FRK: variants seen among roughly 807,000 people sequenced by gnomAD.
FRK encodes the protein fyn related Src family tyrosine kinase.
In FRK, 51 loss-of-function variants were observed where a neutral mutation model predicts 56.4. The ratio of observed to expected loss-of-function variants is 0.90; its 90% confidence interval spans 0.72 to 1.14. The LOEUF (loss-of-function observed/expected upper bound fraction) is 1.14, where lower values mean the gene tolerates loss of function less well. Among genes scored for constraint, FRK ranks in the 50% most tolerant of loss-of-function variants. FRK has a pLI of 0.00. For synonymous variants in FRK, 245 were observed against 217.9 expected (o/e 1.12, Z -1.10); for missense variants, 570 against 601.4 (o/e 0.95, Z 0.55).
In FRK at chr6:115,994,331, C is replaced by G. The variant is rs112050219; in HGVS notation, c.466+9546G>C. ...ATCCAGAATCTCACAACCTCCCCCCCCCCCGCCTTTTTTTTGTCATTATAC... is the reference window on the plus strand; with the variant it reads ...ATCCAGAATCTCACAACCTCCCCCCGCCCCGCCTTTTTTTTGTCATTATAC... On this transcript the variant is annotated intron_variant, in intron 2 of 7. Coordinates refer to ENST00000606080, the MANE Select transcript of FRK (RefSeq NM_002031.3). Among the ~76,000 whole-genome samples the G allele has an allele frequency of 2.8e-3, 296 of 106,676 alleles. 22 individuals are homozygous for G. The highest frequency in any genetic ancestry group is 8.6e-3 in the African/African-American group (271 of 31,484). The allele number at this position is 106,676 out of a possible 152,430, so 70.0% of individuals were successfully genotyped here. A position where few individuals can be genotyped will look rare whatever the true frequency, so the allele number is the denominator to read the frequency against.
chr6:116,082,297 C>T, the FRK span, among the ~76,000 whole-genome samples: 1 of 152,234 alleles, frequency 6.6e-6, no homozygotes, highest in Non-Finnish European at 1.5e-5. Context: ...CTGAGTGAGG[C>T]TAAAAGCCAC....
At chr6:116,001,683 A>G (rs112869466) in intron 2 of FRK, among the ~76,000 whole-genome samples, 34 of 152,338 alleles carry the variant, frequency 2.2e-4, no homozygotes, top group African/African-American at 8.2e-4. Flanking sequence ...TGCATAAATG[A>G]AACTGACTGG....
In FRK at chr6:116,030,445, C is replaced by G. The variant is rs144125561; in HGVS notation, c.345-26447G>C. Among the ~76,000 whole-genome samples, 604 of 152,186 alleles carry G rather than the reference C, an allele frequency of 4.0e-3. 3 individuals carry two copies. Among genetic ancestry groups the G allele is most frequent in the Admixed American group, 6.4e-3 (98 of 15,276 alleles). ...TTTAGGAGCTCTCTGGCACAAAGCT[C>G]CTAATCCTTTGGAATTTCCTGGGTG... On this transcript the variant is annotated intron_variant, in intron 1 of 7. Coordinates refer to ENST00000606080, the MANE Select transcript of FRK (RefSeq NM_002031.3).
At chr6:115,995,907 A>C (rs1774822545) in intron 2 of FRK, among the ~76,000 whole-genome samples, 2 of 152,296 alleles carry the variant, frequency 1.3e-5, no homozygotes, top group South Asian at 4.1e-4. Context: ...ATAGGCAATG[A>C]TATTTGCAAT....
the FRK span, among the ~76,000 whole-genome samples, chr6:116,069,304 G>T: frequency 6.6e-6 from 1 of 152,070 alleles, no homozygotes; most frequent in Non-Finnish European, 1.5e-5. Flanking sequence ...TGGGCTGACT[G>T]AACATGAGGA....
chr6:116,062,228 C>A (rs1010036238), upstream of FRK, among the ~76,000 whole-genome samples: 4 of 152,030 alleles, frequency 2.6e-5, no homozygotes, highest in East Asian at 1.9e-4. Flanking sequence ...AAAGCTGAGC[C>A]AAATTTTTGT....
intron 2 of FRK, among the ~76,000 whole-genome samples, chr6:115,980,023 C>T (rs1469764879): frequency 6.6e-6 from 1 of 151,988 alleles, no homozygotes; most frequent in Non-Finnish European, 1.5e-5. Flanking sequence ...CACATTATGT[C>T]CTCATAAGGA....
chr6:116,020,772 A>G (rs1044703692), intron 1 of FRK, among the ~76,000 whole-genome samples: 1 of 152,176 alleles, frequency 6.6e-6, no homozygotes, highest in Non-Finnish European at 1.5e-5. Flanking sequence ...GTTTCCATAC[A>G]TGTGCTTATA....
At chr6:116,039,137 G>A (rs1395295392) in intron 1 of FRK, 3 of 928,404 alleles carry the variant, frequency 3.2e-6, no homozygotes, top group Non-Finnish European at 5.4e-6. Context: ...TTGCACTGGG[G>A]AGAAGCTAGC....
intron 2 of FRK, among the ~76,000 whole-genome samples, chr6:115,973,272 G>A (rs1392055985): frequency 6.6e-6 from 1 of 152,090 alleles, no homozygotes; most frequent in East Asian, 1.9e-4. Flanking sequence ...TATTCCTGAA[G>A]CTGGAAACCA....
intron 6 of FRK, 114 bp downstream of exon 6, chr6:115,944,130 G>GACTACTGAAGTAGTTTATGT (rs1772320967): frequency 2.9e-5 from 23 of 796,138 alleles, no homozygotes; most frequent in Admixed American, 6.4e-5. Context: ...GTAGTTTATG[G>GACTACTGAAGTAGTTTATGT]ACTACAGAAC....
chr6:116,061,873 A>G (rs539471884), upstream of FRK, among the ~76,000 whole-genome samples: 9 of 152,240 alleles, frequency 5.9e-5, no homozygotes, highest in South Asian at 1.9e-3. Flanking sequence ...CAAGCTCATA[A>G]CTTCTGTTCT....
the FRK span, among the ~76,000 whole-genome samples, chr6:116,077,297 T>C: frequency 1.3e-5 from 2 of 152,238 alleles, no homozygotes; most frequent in Admixed American, 1.3e-4. Context: ...TCCTTTATGA[T>C]GTTGTGGAAG....
chr6:115,959,914 G>T (rs999131325), intron 4 of FRK, among the ~76,000 whole-genome samples: 1 of 151,926 alleles, frequency 6.6e-6, no homozygotes, highest in Non-Finnish European at 1.5e-5. Flanking sequence ...TTCAGTTCGT[G>T]GAACCCTTAG....
intron 5 of FRK, among the ~76,000 whole-genome samples, chr6:115,945,108 T>C (rs1772369873): frequency 6.6e-6 from 1 of 152,222 alleles, no homozygotes; most frequent in Admixed American, 6.5e-5. Context: ...TTATCCATTC[T>C]ACCATTGATG....
the FRK span, among the ~76,000 whole-genome samples, chr6:116,097,512 A>C: frequency 0.18 from 27,169 of 152,180 alleles, 2,909 homozygotes; most frequent in African/African-American, 0.29. Context: ...TGTTAAAATA[A>C]AGTATTATAA....
In FRK at chr6:115,940,157, G is replaced by GAA. The variant is rs1207213000; in HGVS notation, c.*2256_*2257insTT. 2 of 152,090 alleles carry GAA rather than the reference G, an allele frequency of 1.3e-5. No homozygotes were observed. The highest frequency in any genetic ancestry group is 2.4e-5 in the African/African-American group (1 of 41,414). The allele number at this position is 152,090 out of a possible 1,614,324, so 9.4% of individuals were successfully genotyped here. On this transcript the variant is annotated 3_prime_UTR_variant, in exon 8 of 8. Coordinates refer to ENST00000606080, the MANE Select transcript of FRK (RefSeq NM_002031.3). ...ATCTAGACCAACAGAACAGAACAGA[G>GAA]GCCTCAGAAATAACACCACACATCT...
chr6:115,968,551 A>C (rs1441027404), intron 3 of FRK, 25 bp downstream of exon 3: 1 of 1,590,756 alleles, frequency 6.3e-7, no homozygotes, highest in Non-Finnish European at 8.5e-7. Flanking sequence ...TTCAATAAAA[A>C]AACACAGCTT....
Position 115,938,350 on chromosome 6 carries a change from C to T in FRK, c.*4064G>A, listed in dbSNP as rs1772087733. On this transcript the variant is annotated 3_prime_UTR_variant, in exon 8 of 8. Transcript: ENST00000606080. The stretch of plus-strand genomic sequence containing the variant: ...AGTGTGTAGAGGGAAATTTATAGCA[C>T]CAACTGCCCACAAGAGGAATCAGGA... 6.6e-6 allele frequency: 1 copy of T among 152,132 alleles called. No individual in the cohort carries two copies. The highest frequency in any genetic ancestry group is 6.6e-5 in the Admixed American group (1 of 15,262). 9.4% of individuals were successfully genotyped at this position (152,132 alleles called of 1,614,324 possible). A position where few individuals can be genotyped will look rare whatever the true frequency, so the allele number is the denominator to read the frequency against.
Sources: gnomAD v4.1 joint callset for allele counts (sites outside exome capture counted in the v4.1 genomes callset) on GRCh38, gnomAD v4.1.1 for gene constraint, MANE v1.5 for transcripts, NCBI Gene and HGNC (gene_info 2026-07-23, HGNC 2026-07-21) for gene names.